TPCN1: variants seen among roughly 807,000 people sequenced by gnomAD.
The protein encoded by TPCN1 is two pore segment channel 1, also known as two pore channel protein 1.
In TPCN1, 52 loss-of-function variants were observed where a neutral mutation model predicts 108.8. The observed-to-expected ratio is 0.48, with a 90% CI of 0.38 to 0.60. The LOEUF (loss-of-function observed/expected upper bound fraction) is 0.60, where lower values mean the gene tolerates loss of function less well. TPCN1 is among the 20% of genes least tolerant of loss of function. The pLI is 0.00. For missense variants in TPCN1, 806 were observed against 1,072.8 expected, an observed-to-expected ratio of 0.75 and a Z score of 3.47; for synonymous variants, 446 against 433.7, an observed-to-expected ratio of 1.03 and a Z score of -0.35.
chr12:113,279,317 A>ATATGTGTGTGTGTGTGTGTATATATATG (rs1444695896), intron 14 of TPCN1, among the ~76,000 whole-genome samples: 1 of 111,400 alleles, frequency 9.0e-6, no homozygotes, highest in African/African-American at 3.4e-5. Flanking sequence ...GTATATATAT[A>ATATGTGTGTGTGTGTGTGTATATATATG]TGTGTGTGTG....
Position 113,288,515 on chromosome 12 carries a change from C to T in TPCN1, c.1707-243C>T. The T allele has an allele frequency of 6.7e-7, 1 of 1,496,318 alleles. No individual in the cohort carries two copies. Among genetic ancestry groups the T allele is most frequent in the Non-Finnish European group, 8.9e-7 (1 of 1,125,748 alleles). 92.7% of individuals were successfully genotyped at this position (1,496,318 alleles called of 1,614,324 possible). ...CACAGGTAAGGGGTCACCTGTGAGT[C>T]TACCTTCACAGGTAAGGGGTGAATC... is the stretch of plus-strand genomic sequence containing the variant. On this transcript the variant is annotated intron_variant, in intron 20 of 27. Coordinates refer to ENST00000335509, the MANE Select transcript of TPCN1 (RefSeq NM_017901.6). This position sits in a 1 kb window ranked among gnomAD's most constrained non-coding sequence, Gnocchi z 4.8.
chr12:113,229,956 T>G (rs183647318), intron 2 of TPCN1, among the ~76,000 whole-genome samples: 123 of 152,336 alleles, frequency 8.1e-4, no homozygotes, highest in East Asian at 1.3e-3. Flanking sequence ...TCCCATTTCC[T>G]GCCTCAGTCC....
chr12:113,223,551 A>G (rs1363875600), intron 1 of TPCN1, among the ~76,000 whole-genome samples: 3 of 147,636 alleles, frequency 2.0e-5, no homozygotes, highest in Admixed American at 6.9e-5. Context: ...TTTTTAGTTT[A>G]TTTATTTTTT....
At chr12:113,226,235 T>A (rs556306910) in intron 1 of TPCN1, among the ~76,000 whole-genome samples, 1 of 151,940 alleles carries the variant, frequency 6.6e-6, no homozygotes, top group Non-Finnish European at 1.5e-5. Flanking sequence ...TTTTAAAAAT[T>A]GAGTTTTAAT....
At chr12:113,250,831 CTG>C (rs1954606391) in intron 2 of TPCN1, among the ~76,000 whole-genome samples, 1 of 151,844 alleles carries the variant, frequency 6.6e-6, no homozygotes, top group Admixed American at 6.6e-5. Flanking sequence ...TGGTGCACGC[CTG>C]TGTGTTGGTG....
intron 3 of TPCN1, among the ~76,000 whole-genome samples, chr12:113,264,292 T>G (rs1019503070): frequency 1.3e-5 from 2 of 152,208 alleles, no homozygotes; most frequent in Non-Finnish European, 2.9e-5. Context: ...TCTCGATTTT[T>G]TGCTAATGGG....
In TPCN1 at chr12:113,266,185, C is replaced by T. The variant is rs748985119; in HGVS notation, c.243C>T (p.Gly81=). Residue 81 remains glycine (G), a synonymous_variant, in exon 4 of 28, where the codon GGC becomes GGT. Transcript: ENST00000335509. This position sits in a 1 kb window ranked among gnomAD's most constrained non-coding sequence, Gnocchi z 4.2. ...YQEAAIYLQE[G]ENNDKFFTHP... ...CACTACTCTCATCTTTTCAGGAAGG[C>T]GAGAACAACGACAAGTTCTTCACCC... The T allele has an allele frequency of 4.3e-6, 7 of 1,613,828 alleles. No individual in the cohort carries two copies. The highest frequency in any genetic ancestry group is 3.3e-5 in the Admixed American group (2 of 59,976).
chr12:113,223,403 A>T (rs891042899), intron 1 of TPCN1, among the ~76,000 whole-genome samples: 1 of 147,366 alleles, frequency 6.8e-6, no homozygotes, highest in Non-Finnish European at 1.5e-5. Context: ...GCTGTTTGCA[A>T]GTTCAAAGGT....
In TPCN1 at chr12:113,289,581, C is replaced by T. The variant is rs1427594778; in HGVS notation, c.1797-547C>T. ...GATGCATGCGTGTGGGAGGAGGCTC[C>T]CTGGTGGCCCAAGCACTAGACTTTT... On this transcript the variant is annotated intron_variant, in intron 21 of 27. Coordinates refer to ENST00000335509, the MANE Select transcript of TPCN1 (RefSeq NM_017901.6). This position sits in a 1 kb window ranked among gnomAD's most constrained non-coding sequence, Gnocchi z 4.1. 2.6e-5 allele frequency among the ~76,000 whole-genome samples: 4 copies of T among 152,142 alleles called. No individual in the cohort carries two copies. The highest frequency in any genetic ancestry group is 9.7e-5 in the African/African-American group (4 of 41,400).
chr12:113,278,749 C>G, intron 13 of TPCN1, 23 bp from the exon 14 acceptor site: 1 of 1,612,570 alleles, frequency 6.2e-7, no homozygotes, highest in Non-Finnish European at 8.5e-7. Flanking sequence ...GACACCCTCC[C>G]TCTTGGTCCT....
Position 113,284,602 on chromosome 12 carries a change from G to C in TPCN1, c.1364G>C (p.Gly455Ala). ...YFMYLVVAVN[G>A]VWILVETFML... ...TCAGACTTGGTGGTGGCAGTCAACG[G>C]GGTCTGGATCCTCGTGGAGACATTT... The change falls in exon 16 of 28, where the codon GGG (glycine) becomes GCG (alanine). Residue 455 changes from glycine to alanine, a missense_variant. By Grantham distance (60) the Gly-to-Ala change is moderately conservative. Transcript: ENST00000335509. This position sits in a 1 kb window ranked among gnomAD's most constrained non-coding sequence, Gnocchi z 4.1. 1 of 1,614,202 alleles carries C rather than the reference G, an allele frequency of 6.2e-7. No individual in the cohort carries two copies. The highest frequency in any genetic ancestry group is 8.5e-7 in the Non-Finnish European group (1 of 1,180,048).
At chr12:113,265,320 T>C (rs779860166) in intron 3 of TPCN1, among the ~76,000 whole-genome samples, 10 of 152,324 alleles carry the variant, frequency 6.6e-5, no homozygotes, top group Admixed American at 1.3e-4. Context: ...GAAGCACTAA[T>C]GTTAGTTCCT....
intron 21 of TPCN1, 45 bp from the exon 22 acceptor site, chr12:113,290,083 A>T (rs376107554): frequency 1.4e-5 from 18 of 1,275,870 alleles, no homozygotes; most frequent in South Asian, 6.4e-5. Flanking sequence ...GAGGTGACTG[A>T]TCGCCTTGTG....
intron 2 of TPCN1, among the ~76,000 whole-genome samples, chr12:113,255,409 T>C (rs1324951626): frequency 6.6e-6 from 1 of 152,108 alleles, no homozygotes; most frequent in Non-Finnish European, 1.5e-5. Context: ...CAAAATAAAC[T>C]GACAGATATA....
At chr12:113,246,038 G>A (rs1466770240) in intron 2 of TPCN1, 1 of 456,012 alleles carries the variant, frequency 2.2e-6, no homozygotes, top group Non-Finnish European at 4.4e-6. Flanking sequence ...ATCAGCATGT[G>A]GGAGTGTTAC....
chr12:113,286,292 C>G (rs189289062), intron 18 of TPCN1, among the ~76,000 whole-genome samples: 2 of 152,234 alleles, frequency 1.3e-5, no homozygotes, highest in African/African-American at 2.4e-5. Flanking sequence ...TGCTCCCCCC[C>G]TTCCTTGATC....
At chr12:113,241,043 C>T (rs1201874158) in intron 2 of TPCN1, among the ~76,000 whole-genome samples, 1 of 152,200 alleles carries the variant, frequency 6.6e-6, no homozygotes, top group Non-Finnish European at 1.5e-5. Context: ...AGCCACCGCT[C>T]CTGGCCACTC....
intron 15 of TPCN1, among the ~76,000 whole-genome samples, chr12:113,281,328 C>T (rs1052124514): frequency 6.6e-6 from 1 of 152,176 alleles, no homozygotes; most frequent in Non-Finnish European, 1.5e-5. Context: ...GCGTGAGCCA[C>T]GTGCCTGGCC....
At chr12:113,293,823 C>G (rs1389504253) in intron 27 of TPCN1, among the ~76,000 whole-genome samples, 1 of 152,172 alleles carries the variant, frequency 6.6e-6, no homozygotes, top group Non-Finnish European at 1.5e-5. Context: ...GAAGAAGGCC[C>G]TACTGCGGTC....
Sources: gnomAD v4.1 joint callset for allele counts (sites outside exome capture counted in the v4.1 genomes callset) on GRCh38, gnomAD v4.1.1 for gene constraint, Gnocchi (gnomAD v3.1) non-coding constraint, MANE v1.5 for transcripts, NCBI Gene and HGNC (gene_info 2026-07-23, HGNC 2026-07-21) for gene names.